NLGN1: variants seen among roughly 807,000 people sequenced by gnomAD.
NLGN1 encodes the protein neuroligin 1, also known as neuroligin-1.
NLGN1 carries 12 observed loss-of-function variants against 65.5 expected under a neutral mutation model. The ratio of observed to expected loss-of-function variants is 0.18; its 90% confidence interval spans 0.12 to 0.30. The LOEUF (loss-of-function observed/expected upper bound fraction) is 0.30, where lower values mean the gene tolerates loss of function less well. NLGN1 is among the 10% of genes least tolerant of loss of function. The probability of loss-of-function intolerance (pLI) is 1.00; values close to 1 mark genes in which losing one functional copy is unlikely to be tolerated. For synonymous variants in NLGN1, 350 were observed against 359.5 expected, an observed-to-expected ratio of 0.97 and a Z score of 0.30; for missense variants, 750 against 1,007.1, an observed-to-expected ratio of 0.74 and a Z score of 3.46.
At chr3:173,518,505 G>A (rs1734228546) in intron 2 of NLGN1, among the ~76,000 whole-genome samples, 2 of 150,354 alleles carry the variant, frequency 1.3e-5, no homozygotes, top group South Asian at 4.2e-4. Context: ...ATGTATGCAT[G>A]TATTATATAT....
chr3:173,959,179 C>A (rs116717002), intron 4 of NLGN1, among the ~76,000 whole-genome samples: 1 of 152,196 alleles, frequency 6.6e-6, no homozygotes, highest in Admixed American at 6.5e-5. Context: ...CAGGGATGCC[C>A]GGGTCCACAG....
chr3:173,787,672 A>G (rs563866121), intron 3 of NLGN1, among the ~76,000 whole-genome samples: 2 of 152,328 alleles, frequency 1.3e-5, no homozygotes, highest in South Asian at 4.1e-4. Flanking sequence ...AGCAACCATT[A>G]GATACTTAAA....
intron 4 of NLGN1, among the ~76,000 whole-genome samples, chr3:174,059,663 C>T (rs1736963210): frequency 1.3e-5 from 2 of 152,126 alleles, no homozygotes; most frequent in African/African-American, 4.8e-5. Flanking sequence ...CTTATGATGA[C>T]CACAATTACC....
chr3:174,243,603 TA>T (rs1480250416), intron 4 of NLGN1, among the ~76,000 whole-genome samples: 1 of 147,180 alleles, frequency 6.8e-6, no homozygotes, highest in Admixed American at 6.6e-5. Context: ...ACATTTCTAA[TA>T]TTTTTTTCTG....
chr3:173,632,744 G>A (rs1159712799), intron 3 of NLGN1, among the ~76,000 whole-genome samples: 2 of 151,672 alleles, frequency 1.3e-5, no homozygotes, highest in African/African-American at 4.8e-5. Flanking sequence ...GAGATTTAGA[G>A]CCAAGGAAAG....
intron 4 of NLGN1, among the ~76,000 whole-genome samples, chr3:174,210,749 C>A (rs973839678): frequency 6.6e-6 from 1 of 152,164 alleles, no homozygotes; most frequent in Non-Finnish European, 1.5e-5. Flanking sequence ...CAGTTACATG[C>A]CACATAATGA....
chr3:174,118,429 A>G (rs1717024645), intron 4 of NLGN1, among the ~76,000 whole-genome samples: 1 of 152,172 alleles, frequency 6.6e-6, no homozygotes, highest in Non-Finnish European at 1.5e-5. Flanking sequence ...GCAGGCTCTG[A>G]GAATTAAAAC....
At chr3:173,512,041 T>G (rs775700705) in intron 2 of NLGN1, among the ~76,000 whole-genome samples, 10 of 152,148 alleles carry the variant, frequency 6.6e-5, no homozygotes, top group Non-Finnish European at 1.2e-4. Flanking sequence ...AACCAGCCTC[T>G]TTGGTGCTGG....
intron 4 of NLGN1, among the ~76,000 whole-genome samples, chr3:173,919,587 A>G (rs9882535): frequency 0.035 from 5,374 of 152,280 alleles, 179 homozygotes; most frequent in African/African-American, 0.09. Context: ...AGCCTGGCCA[A>G]TTCCAAAATC....
intron 3 of NLGN1, among the ~76,000 whole-genome samples, chr3:173,730,438 A>G (rs1250652292): frequency 3.3e-5 from 5 of 151,876 alleles, no homozygotes; most frequent in South Asian, 2.1e-4. Context: ...GTAAATGGCC[A>G]TATTTTATTT....
chr3:173,446,145 A>C (rs1316982294), intron 2 of NLGN1, among the ~76,000 whole-genome samples: 6 of 151,256 alleles, frequency 4.0e-5, no homozygotes, highest in Admixed American at 2.0e-4. Context: ...TACATGTGCC[A>C]TGTTGGTGTG....
At chr3:173,937,306 G>C (rs1176415767) in intron 4 of NLGN1, among the ~76,000 whole-genome samples, 1 of 151,962 alleles carries the variant, frequency 6.6e-6, no homozygotes, top group African/African-American at 2.4e-5. Context: ...AGATTACTGA[G>C]CTTATGAAAT....
At chr3:174,099,919 T>A (rs1168209514) in intron 4 of NLGN1, among the ~76,000 whole-genome samples, 1 of 152,164 alleles carries the variant, frequency 6.6e-6, no homozygotes, top group Non-Finnish European at 1.5e-5. Context: ...TGTGTTTTGC[T>A]GAGTCAGGGA....
In NLGN1 at chr3:174,226,542, G is replaced by A. The variant is rs138071173; in HGVS notation, c.647-48773G>A. ...ATATGCCTTTCCATATTGCTGCAAC[G>A]TTGGGGAACTATTGAAGACTATATA... On this transcript the variant is annotated intron_variant, in intron 4 of 6. Transcript: ENST00000457714. Among the ~76,000 whole-genome samples the A allele has an allele frequency of 9.1e-4, 138 of 152,202 alleles. 1 individual carries two copies. Among genetic ancestry groups the A allele is most frequent in the African/African-American group, 3.2e-3 (133 of 41,504 alleles).
At chr3:173,894,397 C>G (rs1018831626) in intron 4 of NLGN1, among the ~76,000 whole-genome samples, 7 of 152,116 alleles carry the variant, frequency 4.6e-5, no homozygotes, top group African/African-American at 1.7e-4. Flanking sequence ...TCATTGGAAG[C>G]TTGCAAGTTT....
At chr3:174,101,257 G>A (rs9877241) in intron 4 of NLGN1, among the ~76,000 whole-genome samples, 38,553 of 151,842 alleles carry the variant, frequency 0.25, 6,625 homozygotes, top group African/African-American at 0.5. Context: ...GAGTTACTTC[G>A]GACGAGGATT....
At chr3:174,284,672 T>C (rs1411453185) in exon 7 of NLGN1, 2 of 151,372 alleles carry the variant, frequency 1.3e-5, no homozygotes, top group Non-Finnish European at 3.0e-5. Context: ...AAATCTCTAC[T>C]GAACATGTTG....
At chr3:173,555,465 C>CT (rs1384986190) in intron 2 of NLGN1, among the ~76,000 whole-genome samples, 2 of 151,950 alleles carry the variant, frequency 1.3e-5, no homozygotes, top group South Asian at 2.1e-4. Context: ...CCTTCTCAAC[C>CT]TTTTTTTATT....
chr3:173,453,768 C>A (rs889692364), intron 2 of NLGN1, among the ~76,000 whole-genome samples: 2 of 152,172 alleles, frequency 1.3e-5, no homozygotes, highest in Admixed American at 1.3e-4. Flanking sequence ...GTTACTTCCT[C>A]CACTGAAGAC....
Sources: allele counts gnomAD v4.1 joint callset (sites outside exome capture counted in the v4.1 genomes callset), GRCh38; gene constraint gnomAD v4.1.1; transcripts MANE v1.5; gene names NCBI Gene and HGNC (gene_info 2026-07-23, HGNC 2026-07-21).